The following MSRA variants were observed in gnomAD, a reference collection of about 807,000 sequenced individuals.
MSRA encodes the protein mitochondrial peptide methionine sulfoxide reductase.
Under a neutral mutation model 31.3 loss-of-function variants are expected in MSRA, and 54 were observed. That is an observed-to-expected ratio of 1.73 (90% CI 1.39 to 2.17). MSRA has a LOEUF of 2.17. Among genes scored for constraint, MSRA ranks in the 30% most tolerant of loss-of-function variants. The pLI, the probability that MSRA is intolerant of heterozygous loss-of-function variation, is 0.00. For missense variants in MSRA, 507 were observed against 300.9 expected (o/e 1.69, Z -5.07); for synonymous variants, 169 against 116.5 (o/e 1.45, Z -2.90).
chr8:10,215,931 C>G (rs1446777076), intron 2 of MSRA, among the ~76,000 whole-genome samples: 1 of 152,102 alleles, frequency 6.6e-6, no homozygotes, highest in African/African-American at 2.4e-5. Flanking sequence ...ATACATTCAA[C>G]AGGATGTTCA....
At chr8:10,118,934 C>A (rs778801831) in intron 1 of MSRA, among the ~76,000 whole-genome samples, 1 of 152,168 alleles carries the variant, frequency 6.6e-6, no homozygotes, top group Admixed American at 6.5e-5. Context: ...CAATTCTTGG[C>A]TTTCCTGGTC....
chr8:10,170,902 A>G (rs548067833), intron 1 of MSRA, among the ~76,000 whole-genome samples: 5 of 152,316 alleles, frequency 3.3e-5, no homozygotes, highest in East Asian at 1.9e-4. Context: ...TTCCTTTGCT[A>G]TCTCAATGAA....
intron 5 of MSRA, among the ~76,000 whole-genome samples, chr8:10,392,000 T>G (rs901308598): frequency 6.6e-6 from 1 of 152,178 alleles, no homozygotes; most frequent in African/African-American, 2.4e-5. Flanking sequence ...CAGACTCTTA[T>G]ATTTGAAAGA....
At chr8:10,230,197 C>T (rs1355020376) in intron 2 of MSRA, among the ~76,000 whole-genome samples, 1 of 152,216 alleles carries the variant, frequency 6.6e-6, no homozygotes, top group African/African-American at 2.4e-5. Flanking sequence ...GGGAAGCCAG[C>T]AGGCATTCCA....
At chr8:10,178,944 G>T (rs933269574) in intron 1 of MSRA, among the ~76,000 whole-genome samples, 1 of 152,132 alleles carries the variant, frequency 6.6e-6, no homozygotes, top group Non-Finnish European at 1.5e-5. Flanking sequence ...TGGTAATTTT[G>T]TTGGTTTTCT....
At chr8:10,285,657 C>G (rs1799895274) in intron 3 of MSRA, among the ~76,000 whole-genome samples, 1 of 151,784 alleles carries the variant, frequency 6.6e-6, no homozygotes, top group South Asian at 2.1e-4. Flanking sequence ...TCCCCCCACT[C>G]CTTCCCCGCC....
intron 5 of MSRA, among the ~76,000 whole-genome samples, chr8:10,340,376 T>C (rs936066363): frequency 6.6e-6 from 1 of 152,224 alleles, no homozygotes; most frequent in African/African-American, 2.4e-5. Context: ...GGAGTTATTA[T>C]CTATCTATCT....
At chr8:10,119,548 G>A (rs1029604689) in intron 1 of MSRA, among the ~76,000 whole-genome samples, 22 of 152,222 alleles carry the variant, frequency 1.4e-4, no homozygotes, top group Admixed American at 6.5e-5. Context: ...TCGCTGATCA[G>A]CACTTGGGTT....
At chr8:10,143,101 T>C (rs1378929156) in intron 1 of MSRA, among the ~76,000 whole-genome samples, 1 of 152,152 alleles carries the variant, frequency 6.6e-6, no homozygotes, top group Non-Finnish European at 1.5e-5. Flanking sequence ...TTAAGCGTAA[T>C]TTTTATCCAA....
intron 2 of MSRA, among the ~76,000 whole-genome samples, chr8:10,213,844 A>T (rs1809742111): frequency 6.6e-6 from 1 of 152,142 alleles, no homozygotes; most frequent in African/African-American, 2.4e-5. Context: ...GTACATACTC[A>T]GCAGTGGGAT....
At chr8:10,353,815 A>G (rs1442295822) in intron 5 of MSRA, 4 of 279,322 alleles carry the variant, frequency 1.4e-5, no homozygotes, top group Non-Finnish European at 2.9e-5. Flanking sequence ...ACATAGAGGG[A>G]GAAATAACAA....
chr8:10,363,485 A>G (rs542420185), intron 5 of MSRA, among the ~76,000 whole-genome samples: 4 of 152,216 alleles, frequency 2.6e-5, no homozygotes, highest in East Asian at 1.9e-4. Context: ...CACGTGATCC[A>G]TATCTTCCCT....
chr8:10,103,701 A>T (rs991451857), intron 1 of MSRA, among the ~76,000 whole-genome samples: 6 of 151,656 alleles, frequency 4.0e-5, no homozygotes, highest in African/African-American at 7.3e-5. Flanking sequence ...AGACTGTTTT[A>T]TATATATATA....
intron 2 of MSRA, among the ~76,000 whole-genome samples, chr8:10,217,618 C>T (rs1162146991): frequency 6.6e-6 from 1 of 152,162 alleles, no homozygotes. Context: ...TCAGTTATGG[C>T]TAAATGTGCC....
At chr8:10,335,083 G>A (rs753622200) in intron 5 of MSRA, among the ~76,000 whole-genome samples, 2 of 152,170 alleles carry the variant, frequency 1.3e-5, no homozygotes. Context: ...GACGGGCCGG[G>A]CGCAGGGACC....
chr8:10,394,587 A>T (rs1253774582), intron 5 of MSRA, among the ~76,000 whole-genome samples: 1 of 152,214 alleles, frequency 6.6e-6, no homozygotes, highest in African/African-American at 2.4e-5. Context: ...ATCCATTTCA[A>T]AGATGGGAAA....
intron 2 of MSRA, among the ~76,000 whole-genome samples, chr8:10,240,568 G>T (rs967638081): frequency 6.6e-6 from 1 of 152,124 alleles, no homozygotes; most frequent in Non-Finnish European, 1.5e-5. Flanking sequence ...GTCCACCTAT[G>T]TCTCTCTACC....
chr8:10,149,070 C>T (rs116653344), intron 1 of MSRA, among the ~76,000 whole-genome samples: 1 of 151,506 alleles, frequency 6.6e-6, no homozygotes, highest in Admixed American at 6.6e-5. Flanking sequence ...ATTGTCTTGC[C>T]TCAGCCTCCC....
chr8:10,388,422 C>T (rs1187330945), intron 5 of MSRA, among the ~76,000 whole-genome samples: 4 of 152,232 alleles, frequency 2.6e-5, no homozygotes, highest in Non-Finnish European at 4.4e-5. Context: ...GGTAACTTCT[C>T]TGTTTTCAGA....
Sources: allele counts gnomAD v4.1 joint callset (sites outside exome capture counted in the v4.1 genomes callset), GRCh38; gene constraint gnomAD v4.1.1; transcripts MANE v1.5; gene names NCBI Gene and HGNC (gene_info 2026-07-23, HGNC 2026-07-21).